Variants in VAV2 observed in about 807,000 individuals in gnomAD.
The protein encoded by VAV2 is guanine nucleotide exchange factor VAV2.
Under a neutral mutation model 132.5 loss-of-function variants are expected in VAV2, and 67 were observed. The observed-to-expected ratio is 0.51, with a 90% CI of 0.42 to 0.62. The LOEUF (loss-of-function observed/expected upper bound fraction) is 0.62, where lower values mean the gene tolerates loss of function less well. Ranked by LOEUF, VAV2 falls within the 20% of genes least tolerant of loss-of-function variation. VAV2 has a pLI of 0.00. For missense variants in VAV2, 938 were observed against 1,153.6 expected (o/e 0.81, Z 2.71); for synonymous variants, 492 against 443.5 (o/e 1.11, Z -1.37).
chr9:133,786,353 T>C (rs1834223966), intron 16 of VAV2, among the ~76,000 whole-genome samples: 1 of 106,752 alleles, frequency 9.4e-6, no homozygotes. Context: ...AGCTCTCCTG[T>C]GGGTGCTCTC....
In VAV2 at chr9:133,778,811, C is replaced by T; in HGVS notation, c.1841G>A (p.Gly614Asp). 1.9e-6 allele frequency: 3 copies of T among 1,613,104 alleles called. No homozygotes were observed. The highest frequency in any genetic ancestry group is 2.5e-6 in the Non-Finnish European group (3 of 1,180,008). ...PGKPVLTFQT[G>D]DVLELLRGDP... ...GCCCCTCAGCAGCTCAAGCACGTCG[C>T]CCGTCTGGAAGGTCAGCACAGGCTT... Residue 614 changes from glycine (G) to aspartate (D), a missense_variant, in exon 22 of 30, where the codon GGC becomes GAC. Gly to Asp is a moderately conservative substitution (Grantham distance 94, BLOSUM62 -1). Transcript: ENST00000371850.
chr9:133,943,915 G>A (rs1031582659), intron 1 of VAV2, among the ~76,000 whole-genome samples: 80 of 152,330 alleles, frequency 5.3e-4, no homozygotes, highest in African/African-American at 1.6e-3. Context: ...ATGCCCAGTC[G>A]CCCACCTCCC....
chr9:133,911,761 G>A (rs1007117809), intron 2 of VAV2, among the ~76,000 whole-genome samples: 2 of 152,210 alleles, frequency 1.3e-5, no homozygotes, highest in African/African-American at 4.8e-5. Flanking sequence ...ATTAAACAAG[G>A]TCCGCCTGGG....
intron 4 of VAV2, among the ~76,000 whole-genome samples, chr9:133,829,304 G>C (rs1314391570): frequency 6.6e-6 from 1 of 152,224 alleles, no homozygotes; most frequent in Non-Finnish European, 1.5e-5. Flanking sequence ...ATTTGATTAT[G>C]CATTATTCAA....
chr9:133,983,042 G>A lies in VAV2; in HGVS notation c.204+9033C>T, dbSNP rs193086065. ...CTCTAGGAGAGAGACGGCAGTGGCC[G>A]GGCTGGGACACCGGCAGAGAAGGAA... On this transcript the variant is annotated intron_variant, in intron 1 of 29. Transcript: ENST00000371850. 3.3e-3 allele frequency among the ~76,000 whole-genome samples: 495 copies of A among 152,294 alleles called. 1 individual carries two copies. Among genetic ancestry groups the A allele is most frequent in the African/African-American group, 0.01 (428 of 41,556 alleles).
At chr9:133,775,666 C>T (rs962287233) in intron 24 of VAV2, among the ~76,000 whole-genome samples, 8 of 152,240 alleles carry the variant, frequency 5.3e-5, no homozygotes, top group Non-Finnish European at 1.0e-4. Context: ...CTGTTCCCAC[C>T]AAGCAACTGT....
chr9:133,978,112 C>T (rs920978292), intron 1 of VAV2, among the ~76,000 whole-genome samples: 1 of 152,268 alleles, frequency 6.6e-6, no homozygotes, highest in African/African-American at 2.4e-5. Context: ...CGGGGAGGCA[C>T]ACGGTGTTCG....
At position 133,809,216 on chromosome 9, in the gene VAV2, C is replaced by T. The variant is rs944098973; in HGVS notation, c.568-78G>A. ...ACCTGCACATCTGCACCGCGACACCCGGACACCTCCACAAAAGAGGACTCC... is the reference window on the plus strand; with the variant it reads ...ACCTGCACATCTGCACCGCGACACCTGGACACCTCCACAAAAGAGGACTCC... On this transcript the variant is annotated intron_variant, in intron 6 of 29. Coordinates refer to ENST00000371850, the MANE Select transcript of VAV2 (RefSeq NM_001134398.2). 3.0e-5 allele frequency: 37 copies of T among 1,251,302 alleles called. No homozygotes were observed. The South Asian group carries it at 3.5e-4, about 12-fold the overall frequency. 77.5% of individuals were successfully genotyped at this position (1,251,302 alleles called of 1,614,324 possible). A position where few individuals can be genotyped will look rare whatever the true frequency, so the allele number is the denominator to read the frequency against.
intron 13 of VAV2, among the ~76,000 whole-genome samples, chr9:133,791,248 T>A (rs1387118698): frequency 1.3e-5 from 2 of 152,146 alleles, no homozygotes; most frequent in Non-Finnish European, 2.9e-5. Context: ...AAGCCTGGCC[T>A]CTGCAGGGCC....
intron 2 of VAV2, among the ~76,000 whole-genome samples, chr9:133,915,736 GCA>G (rs1564462672): frequency 7.4e-6 from 1 of 134,418 alleles, no homozygotes; most frequent in South Asian, 2.4e-4. Flanking sequence ...TACACACAAC[GCA>G]CACATACACA....
chr9:133,988,183 C>A (rs770946555), intron 1 of VAV2, among the ~76,000 whole-genome samples: 1 of 152,134 alleles, frequency 6.6e-6, no homozygotes, highest in Non-Finnish European at 1.5e-5. Context: ...CCGCCGTGTG[C>A]GCTCGAGGGG....
rs1314075869 is a variant in VAV2 at position 133,885,952 on chromosome 9, C to T, written c.322-24520G>A. Among the ~76,000 whole-genome samples the T allele has an allele frequency of 6.6e-6, 1 of 152,192 alleles. No homozygotes were observed. The highest frequency in any genetic ancestry group is 1.5e-5 in the Non-Finnish European group (1 of 68,036). On this transcript the variant is annotated intron_variant, in intron 2 of 29. Coordinates refer to ENST00000371850, the MANE Select transcript of VAV2 (RefSeq NM_001134398.2). This position sits in a 1 kb window ranked among gnomAD's most constrained non-coding sequence, Gnocchi z 5.0. ...CAAACTCACCATTAAGGGGACTATG[C>T]TAGACAACCAACTTTAAACTTGTTA... is the stretch of plus-strand genomic sequence containing the variant.
chr9:133,945,905 A>G (rs1223350885), intron 1 of VAV2, among the ~76,000 whole-genome samples: 1 of 152,192 alleles, frequency 6.6e-6, no homozygotes, highest in East Asian at 1.9e-4. Context: ...CTCCCACTCA[A>G]CAGCCACACA....
intron 9 of VAV2, among the ~76,000 whole-genome samples, chr9:133,801,640 T>A (rs1228790924): frequency 2.0e-5 from 3 of 152,084 alleles, no homozygotes; most frequent in Non-Finnish European, 4.4e-5. Context: ...CTGCAGTGGG[T>A]CCACTAGAGC....
intron 3 of VAV2, among the ~76,000 whole-genome samples, chr9:133,849,201 C>T (rs1051480069): frequency 3.9e-5 from 6 of 152,180 alleles, no homozygotes; most frequent in East Asian, 1.9e-4. Flanking sequence ...CCTCCCGCCC[C>T]GAACGCACCA....
At chr9:133,832,155 GC>G (rs1203741034) in intron 4 of VAV2, among the ~76,000 whole-genome samples, 1 of 152,200 alleles carries the variant, frequency 6.6e-6, no homozygotes, top group African/African-American at 2.4e-5. Flanking sequence ...CCTCTGATAG[GC>G]AGGGGACAGG....
At chr9:133,932,724 AC>A (rs35463171) in intron 2 of VAV2, among the ~76,000 whole-genome samples, 116,801 of 152,012 alleles carry the variant, frequency 0.77, 47,829 homozygotes, top group East Asian at 0.92. Context: ...CTTTGCTCTC[AC>A]CCGCCTGCCT....
intron 1 of VAV2, among the ~76,000 whole-genome samples, chr9:133,976,384 C>T (rs1041969756): frequency 8.5e-5 from 13 of 152,120 alleles, no homozygotes; most frequent in African/African-American, 3.1e-4. Flanking sequence ...GGCAGTCCCC[C>T]CAGCCCCGCC....
chr9:133,821,514 T>C (rs748842653), intron 4 of VAV2, among the ~76,000 whole-genome samples: 2 of 152,132 alleles, frequency 1.3e-5, no homozygotes, highest in Non-Finnish European at 2.9e-5. Flanking sequence ...AGGCTGAGCA[T>C]ACAGTAGGTG....
Sources: allele counts gnomAD v4.1 joint callset (sites outside exome capture counted in the v4.1 genomes callset), GRCh38; gene constraint gnomAD v4.1.1; non-coding constraint Gnocchi (gnomAD v3.1); transcripts MANE v1.5; gene names NCBI Gene and HGNC (gene_info 2026-07-23, HGNC 2026-07-21).